The following CACNA1B variants were observed in gnomAD, a reference collection of about 807,000 sequenced individuals.
CACNA1B encodes voltage-dependent N-type calcium channel subunit alpha-1B.
CACNA1B carries 70 observed loss-of-function variants against 247.2 expected under a neutral mutation model. The ratio of observed to expected loss-of-function variants is 0.28; its 90% CI spans 0.23 to 0.35. The LOEUF (loss-of-function observed/expected upper bound fraction) is 0.35. Ranked by LOEUF, CACNA1B falls within the 10% of genes least tolerant of loss-of-function variation. The pLI is 1.00. For missense variants in CACNA1B, 2,367 were observed against 3,197.4 expected (o/e 0.74, Z 6.26); for synonymous variants, 1,231 against 1,294.4 (o/e 0.95, Z 1.05).
intron 3 of CACNA1B, among the ~76,000 whole-genome samples, chr9:137,900,466 G>A (rs1425967642): frequency 6.6e-6 from 1 of 151,810 alleles, no homozygotes; most frequent in East Asian, 1.9e-4. Flanking sequence ...GTGTATGTGT[G>A]TCTCTGTGTC....
chr9:138,059,319 C>T lies in CACNA1B; in HGVS notation c.4584+130C>T. The stretch of plus-strand genomic sequence containing the variant: ...AGTACCCAGAGTATATGTAATGCTA[C>T]AGGGGCCCTGGGGAAGGGGCTGTTC... On this transcript the variant is annotated intron_variant, in intron 30 of 46. Transcript: ENST00000371372. The surrounding 1 kb of genome is among the most constrained non-coding windows in gnomAD (Gnocchi z 4.2). 1 of 653,326 alleles carries T rather than the reference C, an allele frequency of 1.5e-6. No individual in the cohort carries two copies. The highest frequency in any genetic ancestry group is 2.8e-6 in the Non-Finnish European group (1 of 352,750). 40.5% of individuals were successfully genotyped at this position (653,326 alleles called of 1,614,324 possible). A position where few individuals can be genotyped will look rare whatever the true frequency, so the allele number is the denominator to read the frequency against.
Position 138,124,123 on chromosome 9 carries a change from T to C in CACNA1B, c.*2124T>C, listed in dbSNP as rs200586577. 16 of 152,310 alleles carry C rather than the reference T, an allele frequency of 1.1e-4. No individual in the cohort carries two copies. Among genetic ancestry groups the C allele is most frequent in the African/African-American group, 3.8e-4 (16 of 41,570 alleles). 9.4% of individuals were successfully genotyped at this position (152,310 alleles called of 1,614,324 possible). A position where few individuals can be genotyped will look rare whatever the true frequency, so the allele number is the denominator to read the frequency against. ...ACATTATGTCTTGTTTTCCTGACTT[T>C]GGGTTTTGTTTCTCACTGTGTCTTC... On this transcript the variant is annotated 3_prime_UTR_variant, in exon 47 of 47. Transcript: ENST00000371372.
In CACNA1B at chr9:138,025,141, G is replaced by C. The variant is rs181867814; in HGVS notation, c.3255G>C (p.Thr1085=). ...TTGTACATATCCCAGTGATGCTGAC[G>C]GGCCCTCTTGGGGAAGCCACGGTCG... ...NTIVHIPVML[T]GPLGEATVVP... The change falls in exon 20 of 47, where the codon ACG becomes ACC. Residue 1085 remains threonine (T), a synonymous_variant. Coordinates refer to ENST00000371372, the MANE Select transcript of CACNA1B (RefSeq NM_000718.4). 6.8e-6 allele frequency: 11 copies of C among 1,612,116 alleles called. No individual in the cohort carries two copies. The highest frequency in any genetic ancestry group is 3.3e-5 in the Admixed American group (2 of 59,860).
At chr9:137,896,065 C>G (rs1032114299) in intron 3 of CACNA1B, among the ~76,000 whole-genome samples, 14 of 152,050 alleles carry the variant, frequency 9.2e-5, no homozygotes, top group African/African-American at 3.4e-4. Context: ...CGGTGAAACC[C>G]TGTCTCTACT....
chr9:138,120,926 C>T lies in CACNA1B; in HGVS notation c.6489+45C>T, dbSNP rs143073975. 5.9e-6 allele frequency: 9 copies of T among 1,525,114 alleles called. No individual in the cohort carries two copies. The East Asian group carries it at 7.4e-5, about 13-fold the overall frequency. 94.5% of individuals were successfully genotyped at this position (1,525,114 alleles called of 1,614,324 possible). Reference sequence around the variant, plus strand: ...AGGTCAGGGCCCAGCTGCCTCTCCTCGGCCCAGCACCCCTGTCCCACAGGC... The same window carrying T: ...AGGTCAGGGCCCAGCTGCCTCTCCTTGGCCCAGCACCCCTGTCCCACAGGC... On this transcript the variant is annotated intron_variant, in intron 46 of 46. Transcript: ENST00000371372.
At chr9:137,960,622 G>T (rs973736009) in intron 10 of CACNA1B, among the ~76,000 whole-genome samples, 1 of 151,980 alleles carries the variant, frequency 6.6e-6, no homozygotes, top group African/African-American at 2.4e-5. Context: ...AGACCCTGAG[G>T]CAAGGCTGTG....
intron 15 of CACNA1B, among the ~76,000 whole-genome samples, chr9:138,000,358 A>G (rs1958560629): frequency 6.6e-6 from 1 of 152,190 alleles, no homozygotes. Flanking sequence ...TTGGCCTCCC[A>G]AAGTGCTGGG....
intron 36 of CACNA1B, among the ~76,000 whole-genome samples, chr9:138,086,638 G>C (rs2131329801): frequency 6.6e-6 from 1 of 151,430 alleles, no homozygotes; most frequent in Non-Finnish European, 1.5e-5. Context: ...GGACCCAACA[G>C]TAGAGCACCC....
rs763463895 is a variant in CACNA1B at position 137,984,254 on chromosome 9, C to T, written c.1769+4C>T. 1.1e-5 allele frequency: 18 copies of T among 1,567,358 alleles called. No individual in the cohort carries two copies. Among genetic ancestry groups the T allele is most frequent in the Middle Eastern group, 1.7e-4 (1 of 6,000 alleles). ...TGAGGATCTTCAAAGTCACGAAGTA[C>T]GTCCCCTGCGCTCCCAGGCGAGGGC... On this transcript the variant is annotated splice_donor_region_variant and intron_variant, in intron 13 of 46. Coordinates refer to ENST00000371372, the MANE Select transcript of CACNA1B (RefSeq NM_000718.4).
At chr9:138,009,282 A>C (rs1394732697) in intron 16 of CACNA1B, among the ~76,000 whole-genome samples, 1 of 152,198 alleles carries the variant, frequency 6.6e-6, no homozygotes, top group Non-Finnish European at 1.5e-5. Context: ...CTGGGAGGTC[A>C]GTTGAGGCAA....
intron 36 of CACNA1B, among the ~76,000 whole-genome samples, chr9:138,091,810 C>G (rs1474214780): frequency 6.6e-6 from 1 of 152,116 alleles, no homozygotes; most frequent in African/African-American, 2.4e-5. Flanking sequence ...TGGGGGGAAC[C>G]AGCCCCCAGT....
In CACNA1B at chr9:137,961,549, C is replaced by G. The variant is rs1958021571; in HGVS notation, c.1333+3862C>G. Among the ~76,000 whole-genome samples, 3 of 152,098 alleles carry G rather than the reference C, an allele frequency of 2.0e-5. No individual in the cohort carries two copies. In the South Asian group the frequency reaches 6.2e-4, roughly 32 times the overall value. On this transcript the variant is annotated intron_variant, in intron 10 of 46. Transcript: ENST00000371372. ...ATTCTGAGGTATGTCCCTTTAATAT[C>G]TAGTTTATTAAGAGTTTTTAACATG...
chr9:138,057,699 T>A lies in CACNA1B; in HGVS notation c.3969-33T>A, dbSNP rs1352868026. 2 of 1,583,810 alleles carry A rather than the reference T, an allele frequency of 1.3e-6. No individual in the cohort carries two copies. The highest frequency in any genetic ancestry group is 1.7e-6 in the Non-Finnish European group (2 of 1,157,248). On this transcript the variant is annotated intron_variant, in intron 26 of 46. Coordinates refer to ENST00000371372, the MANE Select transcript of CACNA1B (RefSeq NM_000718.4). The surrounding 1 kb of genome is among the most constrained non-coding windows in gnomAD (Gnocchi z 4.0). The stretch of plus-strand genomic sequence containing the variant: ...GTGGGTTTATTTGGATCTTTTGTCT[T>A]TGCCCTCTAACCTCCCATGTTCTCA...
At chr9:138,048,068 A>T (rs945777322) in intron 23 of CACNA1B, among the ~76,000 whole-genome samples, 8 of 152,150 alleles carry the variant, frequency 5.3e-5, no homozygotes, top group African/African-American at 1.9e-4. Context: ...GGTATGTGTG[A>T]GCCGGCATGC....
intron 12 of CACNA1B, among the ~76,000 whole-genome samples, chr9:137,982,756 C>T (rs2133378675): frequency 6.6e-6 from 1 of 152,350 alleles, no homozygotes; most frequent in African/African-American, 2.4e-5. Context: ...TCAAGGGCAA[C>T]ATGTGATCAC....
intron 6 of CACNA1B, among the ~76,000 whole-genome samples, chr9:137,946,169 C>T (rs948409003): frequency 6.6e-6 from 1 of 152,060 alleles, no homozygotes; most frequent in African/African-American, 2.4e-5. Flanking sequence ...CAAGAATTTA[C>T]CATACAAGAT....
intron 6 of CACNA1B, among the ~76,000 whole-genome samples, chr9:137,929,546 C>T (rs1253439686): frequency 6.6e-6 from 1 of 152,084 alleles, no homozygotes; most frequent in Non-Finnish European, 1.5e-5. Context: ...CAGAGGGAGA[C>T]CCTGTCTTTA....
intron 36 of CACNA1B, among the ~76,000 whole-genome samples, chr9:138,080,877 T>G (rs1255448851): frequency 6.6e-6 from 1 of 152,168 alleles, no homozygotes. Context: ...GGGAATGATG[T>G]GCACTTGAGA....
At position 137,888,899 on chromosome 9, in the gene CACNA1B, C is replaced by T. The variant is rs537490282; in HGVS notation, c.530+6016C>T. ...GTCCCCATGGGCAAGGAGGGTCCAC[C>T]CAGGGGAGCAGCAGCCCATGTGCAA... is the stretch of plus-strand genomic sequence containing the variant. On this transcript the variant is annotated intron_variant, in intron 3 of 46. Transcript: ENST00000371372. This position sits in a 1 kb window ranked among gnomAD's most constrained non-coding sequence, Gnocchi z 4.7. Among the ~76,000 whole-genome samples, 70 of 151,960 alleles carry T rather than the reference C, an allele frequency of 4.6e-4. No homozygotes were observed. Among genetic ancestry groups the T allele is most frequent in the African/African-American group, 1.6e-3 (66 of 41,516 alleles).
Sources: allele counts gnomAD v4.1 joint callset (sites outside exome capture counted in the v4.1 genomes callset), GRCh38; gene constraint gnomAD v4.1.1; non-coding constraint Gnocchi (gnomAD v3.1); transcripts MANE v1.5; gene names NCBI Gene and HGNC (gene_info 2026-07-23, HGNC 2026-07-21).